EPHA8: variants seen among roughly 807,000 people sequenced by gnomAD.
EPHA8 encodes ephrin type-A receptor 8.
In EPHA8, 58 loss-of-function variants were observed where a neutral mutation model predicts 103.6. That is an observed-to-expected ratio of 0.56 (90% CI 0.45 to 0.70). EPHA8 has a LOEUF of 0.70. EPHA8 is among the 30% of genes least tolerant of loss of function. The probability of loss-of-function intolerance (pLI) is 0.00; values close to 1 mark genes in which losing one functional copy is unlikely to be tolerated. For synonymous variants in EPHA8, 559 were observed against 572.5 expected (o/e 0.98, Z 0.34); for missense variants, 1,304 against 1,395.2 (o/e 0.93, Z 1.04).
At chr1:22,583,809 G>C (rs963454610) in intron 3 of EPHA8, among the ~76,000 whole-genome samples, 1 of 152,188 alleles carries the variant, frequency 6.6e-6, no homozygotes, top group South Asian at 2.1e-4. Context: ...CCGAGCTTCT[G>C]CTCGGGCCTG....
intron 1 of EPHA8, among the ~76,000 whole-genome samples, chr1:22,566,270 G>T (rs1166607279): frequency 6.6e-6 from 1 of 152,174 alleles, no homozygotes; most frequent in Non-Finnish European, 1.5e-5. Context: ...TCAGAATCCT[G>T]GCTGACGTCC....
chr1:22,577,576 T>C (rs1002480927), intron 3 of EPHA8, among the ~76,000 whole-genome samples: 1 of 152,082 alleles, frequency 6.6e-6, no homozygotes, highest in Non-Finnish European at 1.5e-5. Flanking sequence ...AGGCTGCTTC[T>C]GTTCAGGGGG....
intron 3 of EPHA8, among the ~76,000 whole-genome samples, chr1:22,578,829 C>A (rs373610575): frequency 3.3e-4 from 46 of 138,228 alleles, no homozygotes; most frequent in African/African-American, 1.2e-3. Flanking sequence ...ATGTGCATGC[C>A]TGTGTGTATA....
rs1640379272 is a variant in EPHA8, at chr1:22,567,023, G to C, written c.95-2266G>C. On this transcript the variant is annotated intron_variant, in intron 1 of 16. Coordinates refer to ENST00000166244, the MANE Select transcript of EPHA8 (RefSeq NM_020526.5). This position sits in a 1 kb window ranked among gnomAD's most constrained non-coding sequence, Gnocchi z 4.2. ...TTTGGATTATCTGATCCCCCTGGCT[G>C]GTTGATCAAGAATCAGCTGCAGATA... Among the ~76,000 whole-genome samples, 1 of 152,200 alleles carries C rather than the reference G, an allele frequency of 6.6e-6. No homozygotes were observed. The highest frequency in any genetic ancestry group is 1.5e-5 in the Non-Finnish European group (1 of 68,032).
In EPHA8 at chr1:22,589,744, C is replaced by G. The variant is rs1641325730; in HGVS notation, c.1315+538C>G. The G allele has an allele frequency of 3.2e-6, 3 of 936,592 alleles. No individual in the cohort carries two copies. Among genetic ancestry groups the G allele is most frequent in the South Asian group, 9.8e-5 (2 of 20,348 alleles). The allele number at this position is 936,592 out of a possible 1,614,324, so 58.0% of individuals were successfully genotyped here. On this transcript the variant is annotated intron_variant, in intron 5 of 16. Coordinates refer to ENST00000166244, the MANE Select transcript of EPHA8 (RefSeq NM_020526.5). The surrounding 1 kb of genome is among the most constrained non-coding windows in gnomAD (Gnocchi z 4.3). ...CTGGCCAGTTGGTGGGCTGAATTCACCCCCGGAACCTCTTTCTTCCCAAAC... is the reference window on the plus strand; with the variant it reads ...CTGGCCAGTTGGTGGGCTGAATTCAGCCCCGGAACCTCTTTCTTCCCAAAC...
At chr1:22,596,234 G>T in intron 9 of EPHA8, 61 bp downstream of exon 9, 2 of 1,530,298 alleles carry the variant, frequency 1.3e-6, no homozygotes, top group Non-Finnish European at 1.8e-6. Flanking sequence ...CCCAGTGCTG[G>T]ACTGGGGGTG....
rs1641571487 is a variant in EPHA8, at chr1:22,597,998, G to T, written c.2116+137G>T. 2.1e-6 allele frequency: 3 copies of T among 1,437,906 alleles called. No homozygotes were observed. The highest frequency in any genetic ancestry group is 9.6e-7 in the Non-Finnish European group (1 of 1,036,972). 89.1% of individuals were successfully genotyped at this position (1,437,906 alleles called of 1,614,324 possible). On this transcript the variant is annotated intron_variant, in intron 11 of 16. Coordinates refer to ENST00000166244, the MANE Select transcript of EPHA8 (RefSeq NM_020526.5). This position sits in a 1 kb window ranked among gnomAD's most constrained non-coding sequence, Gnocchi z 4.6. The stretch of plus-strand genomic sequence containing the variant: ...GGTTCAGGTCCCTGAATGACTCGGG[G>T]TGCCCAGAGCCTGGGACCCCAGTGG...
Position 22,598,074 on chromosome 1 carries a change from T to C in EPHA8, c.2117-77T>C, listed in dbSNP as rs1357102371. On this transcript the variant is annotated intron_variant, in intron 11 of 16. Transcript: ENST00000166244. The surrounding 1 kb of genome is among the most constrained non-coding windows in gnomAD (Gnocchi z 5.1). ...AGTGCTGGCACAGGTCCTGAGATGG[T>C]GGTATGCTCCTGGGGTCTCTGATCA... 4 of 1,519,390 alleles carry C rather than the reference T, an allele frequency of 2.6e-6. No homozygotes were observed. Among genetic ancestry groups the C allele is most frequent in the Admixed American group, 1.7e-5 (1 of 59,104 alleles). The allele number at this position is 1,519,390 out of a possible 1,614,324, so 94.1% of individuals were successfully genotyped here. A position where few individuals can be genotyped will look rare whatever the true frequency, so the allele number is the denominator to read the frequency against.
At chr1:22,593,174 T>G in intron 5 of EPHA8, 152 bp from the exon 6 acceptor site, 2 of 1,215,822 alleles carry the variant, frequency 1.6e-6, no homozygotes, top group Non-Finnish European at 2.2e-6. Context: ...TTGGGAGAAC[T>G]GGAGGGTGCT....
chr1:22,595,947 G>C (rs1352267785), intron 8 of EPHA8, among the ~76,000 whole-genome samples, 159 bp from the exon 9 acceptor site: 1 of 152,216 alleles, frequency 6.6e-6, no homozygotes. Flanking sequence ...TTGAGAGCCT[G>C]GAGTCAGGGA....
chr1:22,566,077 A>G (rs1161995554), intron 1 of EPHA8, among the ~76,000 whole-genome samples: 1 of 152,220 alleles, frequency 6.6e-6, no homozygotes, highest in African/African-American at 2.4e-5. Flanking sequence ...TAGCCTGGCC[A>G]AACAACAGTC....
intron 3 of EPHA8, among the ~76,000 whole-genome samples, chr1:22,577,844 ATG>A (rs771694827): frequency 2.4e-4 from 17 of 70,986 alleles, no homozygotes; most frequent in Non-Finnish European, 3.8e-4. Context: ...GTGTGCATGT[ATG>A]TGTGCATGCG....
At position 22,576,044 on chromosome 1, in the gene EPHA8, C is replaced by T. The variant is rs112091180; in HGVS notation, c.160-173C>T. On this transcript the variant is annotated intron_variant, in intron 2 of 16. Transcript: ENST00000166244. This position sits in a 1 kb window ranked among gnomAD's most constrained non-coding sequence, Gnocchi z 4.8. ...AGTAAATAACACTTCCCCTGAAGAT[C>T]GTGGCCCTCTTCGAGATCATGTCTG... Among the ~76,000 whole-genome samples the T allele has an allele frequency of 7.7e-3, 1,175 of 151,784 alleles. 11 individuals carry two copies. The highest frequency in any genetic ancestry group is 0.027 in the African/African-American group (1,107 of 41,380).
Position 22,576,866 on chromosome 1 carries a change from G to T in EPHA8, c.809G>T (p.Arg270Leu). The change falls in exon 3 of 17, where the codon CGG becomes CTG. Residue 270 changes from arginine (R) to leucine (L), a missense_variant. Coordinates refer to ENST00000166244, the MANE Select transcript of EPHA8 (RefSeq NM_020526.5). The surrounding 1 kb of genome is among the most constrained non-coding windows in gnomAD (Gnocchi z 4.8). ...CVCSAGYEER[R>L]DACVACELGF... ...TGCAGTGCCGGCTACGAGGAGCGGC[G>T]GGATGCCTGTGTGGGTGAGCGCGCC... 3 of 1,593,140 alleles carry T rather than the reference G, an allele frequency of 1.9e-6. No individual in the cohort carries two copies. The highest frequency in any genetic ancestry group is 2.6e-6 in the Non-Finnish European group (3 of 1,167,586).
In EPHA8 at chr1:22,601,669, G is replaced by T. The variant is rs1250639728; in HGVS notation, c.2946G>T (p.Lys982Asn). The T allele has an allele frequency of 6.3e-6, 10 of 1,594,894 alleles. No individual in the cohort carries two copies. The highest frequency in any genetic ancestry group is 1.1e-5 in the South Asian group (1 of 88,286). The change falls in exon 17 of 17, where the codon AAG becomes AAT. Residue 982 changes from lysine to asparagine, a missense_variant. Transcript: ENST00000166244. ...ALGITLMGHQ[K>N]KILGSIQTMR... is the part of the protein sequence containing the mutation. ...GCATCACCCTCATGGGCCACCAGAA[G>T]AAGATCCTGGGCAGCATTCAGACCA...
At chr1:22,585,034 T>TGTGTGTGTGTGTGTGC (rs1641154878) in intron 3 of EPHA8, among the ~76,000 whole-genome samples, 1 of 117,522 alleles carries the variant, frequency 8.5e-6, no homozygotes, top group African/African-American at 4.6e-5. Context: ...TCTCTGTGTG[T>TGTGTGTGTGTGTGTGC]GTGTGTGTGT....
intron 2 of EPHA8, among the ~76,000 whole-genome samples, chr1:22,573,796 C>G (rs1157247728): frequency 1.3e-5 from 2 of 152,206 alleles, no homozygotes; most frequent in Non-Finnish European, 2.9e-5. Context: ...TTCTGCAGAC[C>G]TCCACCCTTG....
At chr1:22,574,123 C>T (rs1291655599) in intron 2 of EPHA8, among the ~76,000 whole-genome samples, 3 of 152,222 alleles carry the variant, frequency 2.0e-5, no homozygotes, top group African/African-American at 4.8e-5. Flanking sequence ...GGACTACAGG[C>T]GCCCGCCACC....
intron 1 of EPHA8, among the ~76,000 whole-genome samples, chr1:22,564,224 G>A (rs1640286441): frequency 6.6e-6 from 1 of 151,818 alleles, no homozygotes; most frequent in Non-Finnish European, 1.5e-5. Flanking sequence ...TGAGAGATAG[G>A]AGCCAGGCGC....
Sources: allele counts gnomAD v4.1 joint callset (sites outside exome capture counted in the v4.1 genomes callset), GRCh38; gene constraint gnomAD v4.1.1; non-coding constraint Gnocchi (gnomAD v3.1); transcripts MANE v1.5; gene names NCBI Gene and HGNC (gene_info 2026-07-23, HGNC 2026-07-21).